The following PIEZO2 variants were observed in gnomAD, a reference collection of about 807,000 sequenced individuals.
PIEZO2 encodes piezo type mechanosensitive ion channel component 2, also known as piezo-type mechanosensitive ion channel component 2.
Under a neutral mutation model 337.3 loss-of-function variants are expected in PIEZO2, and 172 were observed. The observed-to-expected ratio is 0.51, with a 90% CI of 0.45 to 0.58. The LOEUF (loss-of-function observed/expected upper bound fraction) is 0.58, where lower values mean the gene tolerates loss of function less well. Ranked by LOEUF, PIEZO2 falls within the 20% of genes least tolerant of loss-of-function variation. The probability of loss-of-function intolerance (pLI) is 0.00; values close to 1 mark genes in which losing one functional copy is unlikely to be tolerated. For synonymous variants in PIEZO2, 1,251 were observed against 1,228.5 expected (o/e 1.02, Z -0.38); for missense variants, 3,028 against 3,391.3 (o/e 0.89, Z 2.66).
rs764803228 is a variant in PIEZO2 at position 10,778,335 on chromosome 18, C to CTTTT, written c.2534+1986_2534+1989dup. 8.0e-4 allele frequency among the ~76,000 whole-genome samples: 102 copies of CTTTT among 127,774 alleles called. 1 individual carries two copies. Among genetic ancestry groups the CTTTT allele is most frequent in the African/African-American group, 2.8e-3 (97 of 34,648 alleles). 83.8% of individuals were successfully genotyped at this position (127,774 alleles called of 152,430 possible). ...CCTTTGAGGCACAGCTCTGGCTGCT[C>CTTTT]TTTTTTTTTTTTTTTTTGAGAGGGA... On this transcript the variant is annotated intron_variant, in intron 18 of 55. Transcript: ENST00000674853.
intron 47 of PIEZO2, among the ~76,000 whole-genome samples, chr18:10,694,653 A>T (rs1363416598): frequency 6.6e-6 from 1 of 152,144 alleles, no homozygotes; most frequent in Non-Finnish European, 1.5e-5. Flanking sequence ...TAACATAATG[A>T]GACCTCATCT....
chr18:11,026,363 C>A (rs377058677), intron 2 of PIEZO2, among the ~76,000 whole-genome samples: 37 of 152,128 alleles, frequency 2.4e-4, no homozygotes, highest in African/African-American at 8.5e-4. Context: ...CCCCACCCTG[C>A]CTCAATCTCA....
chr18:10,978,937 T>G (rs1483903232), intron 3 of PIEZO2, among the ~76,000 whole-genome samples: 2 of 152,094 alleles, frequency 1.3e-5, no homozygotes, highest in Non-Finnish European at 2.9e-5. Context: ...GATAATACTA[T>G]CTAGATAAAA....
chr18:10,763,182 T>C (rs2038213252), intron 21 of PIEZO2, 84 bp from the exon 22 acceptor site: 1 of 1,403,426 alleles, frequency 7.1e-7, no homozygotes, highest in Admixed American at 2.1e-5. Flanking sequence ...GATGACTTGA[T>C]TTACTCAGTT....
In PIEZO2 at chr18:10,780,339, A is replaced by T. The variant is rs1431233045; in HGVS notation, c.2520T>A (p.Tyr840Ter). ...GAAGTACCCACCTATTTATTATTAG[A>T]TATACGCGACCATTGACTTTGGCAT... Reference protein sequence around the residue: ...YSHAKVNGRVYLIINSIKKKL... With the variant: ...YSHAKVNGRV The change falls in exon 18 of 56, where the codon TAT becomes TAA. Residue 840 changes from tyrosine (Y) to a stop codon, truncating the protein, a stop_gained. Transcript: ENST00000674853. LOFTEE classifies it high-confidence loss of function. 1.4e-6 allele frequency: 1 copy of T among 703,014 alleles called. No homozygotes were observed. The highest frequency in any genetic ancestry group is 2.0e-5 in the Admixed American group (1 of 50,014). 43.5% of individuals were successfully genotyped at this position (703,014 alleles called of 1,614,324 possible). A position where few individuals can be genotyped will look rare whatever the true frequency, so the allele number is the denominator to read the frequency against.
intron 29 of PIEZO2, among the ~76,000 whole-genome samples, chr18:10,749,444 C>T (rs1438632144): frequency 1.3e-5 from 2 of 152,024 alleles, no homozygotes; most frequent in African/African-American, 2.4e-5. Context: ...GCCTGGGTAA[C>T]AGAGACCCTG....
intron 1 of PIEZO2, among the ~76,000 whole-genome samples, chr18:11,130,461 C>T (rs1167863277): frequency 6.6e-6 from 1 of 152,224 alleles, no homozygotes; most frequent in Non-Finnish European, 1.5e-5. Context: ...TATATCAAGT[C>T]TCCGGCTTTG....
intron 3 of PIEZO2, among the ~76,000 whole-genome samples, chr18:10,919,294 C>A (rs2031227652): frequency 6.6e-6 from 1 of 152,022 alleles, no homozygotes. Context: ...CCTTTAGGTT[C>A]AAAATTTCAT....
intron 39 of PIEZO2, among the ~76,000 whole-genome samples, chr18:10,711,538 A>C (rs1266298799): frequency 6.6e-6 from 1 of 152,162 alleles, no homozygotes; most frequent in Non-Finnish European, 1.5e-5. Context: ...ATTACTGTTA[A>C]TGTCATCACA....
chr18:10,975,400 T>C (rs555251075), intron 3 of PIEZO2, among the ~76,000 whole-genome samples: 1 of 152,270 alleles, frequency 6.6e-6, no homozygotes, highest in Admixed American at 6.5e-5. Context: ...AACATATGTT[T>C]GAGCAAAATT....
intron 1 of PIEZO2, among the ~76,000 whole-genome samples, chr18:11,141,738 G>A (rs1168932560): frequency 6.6e-6 from 1 of 152,206 alleles, no homozygotes; most frequent in Non-Finnish European, 1.5e-5. Flanking sequence ...GATGCTTGGT[G>A]TTGACCAAGT....
chr18:11,056,354 C>A (rs1568334962), intron 2 of PIEZO2, among the ~76,000 whole-genome samples: 1 of 152,190 alleles, frequency 6.6e-6, no homozygotes, highest in Non-Finnish European at 1.5e-5. Context: ...CCAAATCACT[C>A]CATAGCATCC....
chr18:10,768,477 C>G (rs925546361), intron 21 of PIEZO2, among the ~76,000 whole-genome samples: 1 of 152,174 alleles, frequency 6.6e-6, no homozygotes, highest in African/African-American at 2.4e-5. Context: ...GGCCGGAAAC[C>G]CCCCATGCAG....
chr18:10,897,112 G>A (rs927720739), intron 4 of PIEZO2, among the ~76,000 whole-genome samples: 3 of 152,146 alleles, frequency 2.0e-5, no homozygotes, highest in African/African-American at 7.2e-5. Context: ...GGAGGAACCC[G>A]GTGAGGGATA....
rs1343440146 is a variant in PIEZO2 at position 10,997,258 on chromosome 18, A to G, written c.161-17598T>C. Among the ~76,000 whole-genome samples, 7 of 149,120 alleles carry G rather than the reference A, an allele frequency of 4.7e-5. No individual in the cohort carries two copies. In the South Asian group the frequency reaches 1.5e-3, roughly 31 times the overall value. On this transcript the variant is annotated intron_variant, in intron 2 of 55. Coordinates refer to ENST00000674853, the MANE Select transcript of PIEZO2 (RefSeq NM_001378183.1). ...TTGACTGCCTGCAAAAAAAAAAAAA[A>G]GAAAGAAAGAAAGAGACAATGAAAA...
At chr18:10,971,499 A>G (rs1394413098) in intron 3 of PIEZO2, among the ~76,000 whole-genome samples, 1 of 152,236 alleles carries the variant, frequency 6.6e-6, no homozygotes, top group Non-Finnish European at 1.5e-5. Flanking sequence ...GGTGGTAGGG[A>G]CGGTGGGTTC....
chr18:11,024,547 G>GAAAAAA (rs569472740), intron 2 of PIEZO2, among the ~76,000 whole-genome samples: 4 of 104,060 alleles, frequency 3.8e-5, no homozygotes, highest in African/African-American at 1.0e-4. Flanking sequence ...CTCTGTCTCA[G>GAAAAAA]AAAAAAAAAA....
chr18:10,971,566 T>A (rs1267496261), intron 3 of PIEZO2, among the ~76,000 whole-genome samples: 2 of 152,102 alleles, frequency 1.3e-5, no homozygotes, highest in Non-Finnish European at 2.9e-5. Context: ...TCCTCAGCCA[T>A]GCAGTCCCGA....
chr18:10,774,869 A>G (rs2038732186), intron 18 of PIEZO2, among the ~76,000 whole-genome samples: 1 of 152,220 alleles, frequency 6.6e-6, no homozygotes, highest in Non-Finnish European at 1.5e-5. Context: ...TTCTATCTGG[A>G]TAATTGTAGG....
Sources: allele counts gnomAD v4.1 joint callset (sites outside exome capture counted in the v4.1 genomes callset), GRCh38; gene constraint gnomAD v4.1.1; transcripts MANE v1.5; gene names NCBI Gene and HGNC (gene_info 2026-07-23, HGNC 2026-07-21).